The following NEGR1 variants were observed in gnomAD, a reference collection of about 807,000 sequenced individuals.
NEGR1 encodes the protein IgLON family member 4.
Under a neutral mutation model 40.9 loss-of-function variants are expected in NEGR1, and 10 were observed. The observed-to-expected ratio is 0.24, with a 90% CI of 0.15 to 0.42. The LOEUF is 0.42. Among genes scored for constraint, NEGR1 ranks in the 10% least tolerant of loss-of-function variants. The pLI is 1.00. For synonymous variants in NEGR1, 185 were observed against 166.8 expected, an observed-to-expected ratio of 1.11 and a Z score of -0.84; for missense variants, 352 against 438.9, an observed-to-expected ratio of 0.80 and a Z score of 1.77.
chr1:72,096,021 T>C (rs774472347), intron 1 of NEGR1, among the ~76,000 whole-genome samples: 13 of 152,174 alleles, frequency 8.5e-5, no homozygotes, highest in Non-Finnish European at 1.6e-4. Flanking sequence ...TAAAGTATGA[T>C]AAAGTATCTT....
intron 2 of NEGR1, among the ~76,000 whole-genome samples, chr1:71,836,554 T>G (rs1659039671): frequency 6.6e-6 from 1 of 151,412 alleles, no homozygotes; most frequent in East Asian, 1.9e-4. Context: ...CAATGAAACC[T>G]GCTGGAACAT....
chr1:72,193,779 T>C (rs2100433602), intron 1 of NEGR1, among the ~76,000 whole-genome samples: 1 of 151,760 alleles, frequency 6.6e-6, no homozygotes, highest in East Asian at 1.9e-4. Context: ...AGAATATTTT[T>C]AAAGTGTTCA....
At chr1:72,120,525 C>T (rs11209915) in intron 1 of NEGR1, among the ~76,000 whole-genome samples, 62,752 of 149,768 alleles carry the variant, frequency 0.42, 14,179 homozygotes, top group Admixed American at 0.55. Context: ...TTTTTTTTAT[C>T]ATACTTTAAG....
chr1:71,869,871 TTTTC>T (rs894555599), intron 2 of NEGR1, among the ~76,000 whole-genome samples: 11 of 151,366 alleles, frequency 7.3e-5, no homozygotes, highest in Non-Finnish European at 1.5e-4. Context: ...TTTGGATAGC[TTTTC>T]TTTCTTTCTT....
At chr1:72,261,027 G>C (rs959175011) in intron 1 of NEGR1, among the ~76,000 whole-genome samples, 1 of 151,978 alleles carries the variant, frequency 6.6e-6, no homozygotes, top group African/African-American at 2.4e-5. Context: ...TTGAATTTTA[G>C]AAGGATCACA....
intron 2 of NEGR1, among the ~76,000 whole-genome samples, chr1:71,786,751 T>G (rs1308422045): frequency 6.6e-6 from 1 of 152,164 alleles, no homozygotes; most frequent in African/African-American, 2.4e-5. Flanking sequence ...AAATAGGATC[T>G]CTCCCCTTCC....
At chr1:71,410,389 G>A (rs1440549861) in intron 6 of NEGR1, among the ~76,000 whole-genome samples, 4 of 152,052 alleles carry the variant, frequency 2.6e-5, no homozygotes, top group East Asian at 1.9e-4. Flanking sequence ...TATTATGTTC[G>A]TGGGGTTGAA....
chr1:72,126,962 A>G (rs1394248124), intron 1 of NEGR1, among the ~76,000 whole-genome samples: 1 of 152,196 alleles, frequency 6.6e-6, no homozygotes, highest in Non-Finnish European at 1.5e-5. Context: ...TCTGCACACA[A>G]ATCCGACTTT....
chr1:71,530,944 A>G (rs1190920908), intron 6 of NEGR1, among the ~76,000 whole-genome samples: 1 of 151,054 alleles, frequency 6.6e-6, no homozygotes, highest in East Asian at 2.0e-4. Context: ...CACTTCTATC[A>G]TACTATGTAC....
At chr1:71,870,576 G>C (rs1352637262) in intron 2 of NEGR1, among the ~76,000 whole-genome samples, 1 of 152,178 alleles carries the variant, frequency 6.6e-6, no homozygotes, top group Non-Finnish European at 1.5e-5. Flanking sequence ...CAGGTGGGGA[G>C]TGCAGTTAAG....
chr1:71,785,617 C>T (rs1570344137), intron 2 of NEGR1, among the ~76,000 whole-genome samples: 1 of 152,120 alleles, frequency 6.6e-6, no homozygotes, highest in Non-Finnish European at 1.5e-5. Flanking sequence ...TGGAAATGTG[C>T]CAACAAATAC....
At chr1:72,271,723 T>C (rs931236247) in intron 1 of NEGR1, among the ~76,000 whole-genome samples, 9 of 151,906 alleles carry the variant, frequency 5.9e-5, no homozygotes, top group Non-Finnish European at 1.3e-4. Context: ...CAACTGGAGT[T>C]GTATATCCCA....
At chr1:72,106,752 A>T (rs917581295) in intron 1 of NEGR1, among the ~76,000 whole-genome samples, 4 of 152,016 alleles carry the variant, frequency 2.6e-5, no homozygotes, top group African/African-American at 9.7e-5. Flanking sequence ...TAAATTAAAG[A>T]TTAATTTACT....
intron 2 of NEGR1, among the ~76,000 whole-genome samples, chr1:71,803,979 T>C (rs532462314): frequency 6.6e-6 from 1 of 152,192 alleles, no homozygotes; most frequent in South Asian, 2.1e-4. Context: ...ACCTTCATAT[T>C]TGTACTTCTA....
intron 1 of NEGR1, among the ~76,000 whole-genome samples, chr1:72,279,648 C>T (rs2100570186): frequency 6.6e-6 from 1 of 151,880 alleles, no homozygotes; most frequent in South Asian, 2.1e-4. Flanking sequence ...TTTAAGTATA[C>T]AAAGAAAAAA....
chr1:71,601,518 C>T (rs1307376942), intron 5 of NEGR1, among the ~76,000 whole-genome samples: 1 of 152,160 alleles, frequency 6.6e-6, no homozygotes, highest in African/African-American at 2.4e-5. Flanking sequence ...GTATGTTTAT[C>T]ATAGCAGTAT....
intron 2 of NEGR1, among the ~76,000 whole-genome samples, chr1:71,806,639 C>T (rs1391686693): frequency 6.6e-6 from 1 of 152,060 alleles, no homozygotes; most frequent in African/African-American, 2.4e-5. Flanking sequence ...TTTCCCAAAA[C>T]TGTGGTAAGC....
At chr1:71,712,798 A>C (rs1311441703) in intron 3 of NEGR1, among the ~76,000 whole-genome samples, 2 of 152,114 alleles carry the variant, frequency 1.3e-5, no homozygotes, top group Non-Finnish European at 2.9e-5. Context: ...TGCTGTTCTC[A>C]TGATAGTGAG....
chr1:71,772,886 C>T (rs535678821), intron 3 of NEGR1, among the ~76,000 whole-genome samples: 1 of 151,632 alleles, frequency 6.6e-6, no homozygotes, highest in African/African-American at 2.4e-5. Context: ...ACAGAATATT[C>T]TCTGTTTTAT....
Sources: allele counts gnomAD v4.1 joint callset (sites outside exome capture counted in the v4.1 genomes callset), GRCh38; gene constraint gnomAD v4.1.1; transcripts MANE v1.5; gene names NCBI Gene and HGNC (gene_info 2026-07-23, HGNC 2026-07-21).